Variants in UBE2U observed in about 807,000 individuals in gnomAD.
UBE2U encodes ubiquitin-conjugating enzyme E2 U.
Under a neutral mutation model 41.2 loss-of-function variants are expected in UBE2U, and 39 were observed. The ratio of observed to expected loss-of-function variants is 0.95; its 90% CI spans 0.73 to 1.24. UBE2U has a LOEUF of 1.24. UBE2U is among the 50% of genes most tolerant of loss of function. The probability of loss-of-function intolerance (pLI) is 0.00; values close to 1 mark genes in which losing one functional copy is unlikely to be tolerated. For missense variants in UBE2U, 336 were observed against 363.1 expected (o/e 0.93, Z 0.61); for synonymous variants, 107 against 117.8 (o/e 0.91, Z 0.60).
intron 6 of UBE2U, among the ~76,000 whole-genome samples, chr1:64,221,459 A>T (rs1469251274): frequency 6.6e-6 from 1 of 152,182 alleles, no homozygotes; most frequent in Non-Finnish European, 1.5e-5. Flanking sequence ...TGTATTGTCA[A>T]CAAAATCAGC....
chr1:64,228,855 ATTTTTTT>A (rs56873849), intron 6 of UBE2U, among the ~76,000 whole-genome samples: 15 of 93,890 alleles, frequency 1.6e-4, no homozygotes, highest in East Asian at 3.1e-4. Context: ...TGCCCAGGTA[ATTTTTTT>A]TTTTTTTTTT....
At chr1:64,245,110 A>G (rs1226240759) in intron 8 of UBE2U, among the ~76,000 whole-genome samples, 1 of 152,210 alleles carries the variant, frequency 6.6e-6, no homozygotes, top group Non-Finnish European at 1.5e-5. Context: ...CTTTGTTACT[A>G]TTAATAGAAA....
intron 8 of UBE2U, among the ~76,000 whole-genome samples, chr1:64,250,925 A>G (rs12406606): frequency 2.6e-4 from 26 of 101,354 alleles, no homozygotes; most frequent in East Asian, 6.1e-4. Flanking sequence ...GGGTGGGGGG[A>G]GGGGGGAGGT....
Position 64,267,072 on chromosome 1 carries a change from T to A in UBE2U, c.818T>A (p.Ile273Asn). 1 of 1,550,408 alleles carries A rather than the reference T, an allele frequency of 6.4e-7. No individual in the cohort carries two copies. Among genetic ancestry groups the A allele is most frequent in the African/African-American group, 1.4e-5 (1 of 73,132 alleles). ...ACTGCAATAAATAGCATCACAGACA[T>A]TTATGAAACAGAAGAGGAGGGGTGG... ...SPTAINSITD[I>N]YETEEEGWKS... Residue 273 changes from isoleucine to asparagine, a missense_variant, in exon 10 of 10, where the codon ATT becomes AAT. By Grantham distance (149) the Ile-to-Asn change is moderately radical. Coordinates refer to ENST00000371077, the MANE Select transcript of UBE2U (RefSeq NM_001366232.2).
At chr1:64,237,967 A>G (rs1157460346) in intron 7 of UBE2U, among the ~76,000 whole-genome samples, 1 of 152,240 alleles carries the variant, frequency 6.6e-6, no homozygotes, top group Admixed American at 6.5e-5. Flanking sequence ...AGCATTCGTG[A>G]GAGATTAAAT....
chr1:64,240,903 T>G (rs1644824418), intron 7 of UBE2U, among the ~76,000 whole-genome samples: 1 of 152,160 alleles, frequency 6.6e-6, no homozygotes, highest in Admixed American at 6.6e-5. Context: ...CTAATTTTTG[T>G]ATTTTTAGTG....
rs776904176 is a variant in UBE2U, at chr1:64,260,613, A to T, written c.688A>T (p.Ile230Phe). ...QKEWNLKYSV[I>F]KCWLARKRMP... ...TTTTTCTCTTTCTAGGTATTCCGTT[A>T]TCAAGTGTTGGCTTGCTAGAAAAAG... Residue 230 changes from isoleucine to phenylalanine, a missense_variant, in exon 9 of 10, where the codon ATC (isoleucine) becomes TTC (phenylalanine). By Grantham distance (21) the Ile-to-Phe change is conservative. Coordinates refer to ENST00000371077, the MANE Select transcript of UBE2U (RefSeq NM_001366232.2). The T allele has an allele frequency of 3.2e-6, 5 of 1,548,756 alleles. No homozygotes were observed. Among genetic ancestry groups the T allele is most frequent in the South Asian group, 1.2e-5 (1 of 83,816 alleles).
At chr1:64,232,008 C>T (rs945955815) in intron 6 of UBE2U, among the ~76,000 whole-genome samples, 5 of 152,164 alleles carry the variant, frequency 3.3e-5, no homozygotes, top group African/African-American at 9.7e-5. Flanking sequence ...TTAGGACATA[C>T]TAATATTAGC....
intron 8 of UBE2U, among the ~76,000 whole-genome samples, chr1:64,247,392 A>G (rs992113310): frequency 6.6e-6 from 1 of 152,152 alleles, no homozygotes; most frequent in African/African-American, 2.4e-5. Context: ...GCTAGTTTAG[A>G]TGTTCCCCAA....
chr1:64,213,002 G>A (rs1215000170), intron 4 of UBE2U, among the ~76,000 whole-genome samples: 2 of 152,134 alleles, frequency 1.3e-5, no homozygotes, highest in Non-Finnish European at 2.9e-5. Context: ...TAATGGGAAG[G>A]AAAAGAAAAT....
intron 8 of UBE2U, among the ~76,000 whole-genome samples, chr1:64,250,067 T>C (rs1378869923): frequency 6.6e-6 from 1 of 152,126 alleles, no homozygotes; most frequent in African/African-American, 2.4e-5. Flanking sequence ...ACGATAAGAA[T>C]AGCCAAAAAC....
intron 6 of UBE2U, among the ~76,000 whole-genome samples, chr1:64,224,293 G>A (rs1214412785): frequency 6.6e-6 from 1 of 152,114 alleles, no homozygotes; most frequent in Non-Finnish European, 1.5e-5. Context: ...TTCCAAAAAT[G>A]TTCATCATAG....
intron 3 of UBE2U, 79 bp downstream of exon 3, chr1:64,206,935 T>A: frequency 1.2e-6 from 1 of 867,312 alleles, no homozygotes; most frequent in Non-Finnish European, 1.8e-6. Flanking sequence ...ATGTTTCTTT[T>A]TAAGAACTTT....
At chr1:64,257,693 A>C (rs1645116611) in intron 8 of UBE2U, among the ~76,000 whole-genome samples, 1 of 152,104 alleles carries the variant, frequency 6.6e-6, no homozygotes, top group Non-Finnish European at 1.5e-5. Flanking sequence ...TGATGGGATG[A>C]TCTGTGCAGT....
intron 3 of UBE2U, among the ~76,000 whole-genome samples, chr1:64,209,651 A>G (rs1651542148): frequency 6.6e-6 from 1 of 152,080 alleles, no homozygotes; most frequent in South Asian, 2.1e-4. Context: ...GAGGGGAGAG[A>G]AGGGTTATTT....
chr1:64,212,395 T>G (rs561006324), intron 4 of UBE2U, among the ~76,000 whole-genome samples: 44 of 152,342 alleles, frequency 2.9e-4, no homozygotes, highest in Middle Eastern at 3.4e-3. Context: ...CTGAGTTAGC[T>G]TGCTTGGCTT....
At chr1:64,261,171 C>T (rs1260458114) in intron 9 of UBE2U, among the ~76,000 whole-genome samples, 1 of 152,150 alleles carries the variant, frequency 6.6e-6, no homozygotes, top group Non-Finnish European at 1.5e-5. Flanking sequence ...GAGCTGGTAA[C>T]TTACCATGGA....
intron 6 of UBE2U, among the ~76,000 whole-genome samples, chr1:64,225,778 G>A (rs964813683): frequency 2.0e-5 from 3 of 152,194 alleles, no homozygotes; most frequent in African/African-American, 7.2e-5. Context: ...GGGTTGAACT[G>A]GGTGGGTTCT....
chr1:64,250,750 C>T (rs1181215247), intron 8 of UBE2U, among the ~76,000 whole-genome samples: 5 of 152,060 alleles, frequency 3.3e-5, no homozygotes, highest in African/African-American at 1.2e-4. Context: ...ATGATGAGTT[C>T]ATGTCCTTTG....
Sources: gnomAD v4.1 joint callset for allele counts (sites outside exome capture counted in the v4.1 genomes callset) on GRCh38, gnomAD v4.1.1 for gene constraint, MANE v1.5 for transcripts, NCBI Gene and HGNC (gene_info 2026-07-23, HGNC 2026-07-21) for gene names.